GRIA4: variants seen among roughly 807,000 people sequenced by gnomAD.
The protein encoded by GRIA4 is glutamate receptor 4.
Under a neutral mutation model 104.0 loss-of-function variants are expected in GRIA4, and 34 were observed. The ratio of observed to expected loss-of-function variants is 0.33; its 90% CI spans 0.25 to 0.44. The LOEUF (loss-of-function observed/expected upper bound fraction) is 0.44. Among genes scored for constraint, GRIA4 ranks in the 20% least tolerant of loss-of-function variants. The pLI is 1.00. For missense variants in GRIA4, 750 were observed against 1,096.5 expected, an observed-to-expected ratio of 0.68 and a Z score of 4.46; for synonymous variants, 386 against 381.9, an observed-to-expected ratio of 1.01 and a Z score of -0.13.
chr11:105,783,888 T>A (rs897465981), intron 4 of GRIA4, among the ~76,000 whole-genome samples: 4 of 151,916 alleles, frequency 2.6e-5, no homozygotes, highest in African/African-American at 4.8e-5. Context: ...AGCTTCACAA[T>A]ACCCAGTGAT....
At chr11:105,926,207 T>G (rs776411847) in intron 12 of GRIA4, among the ~76,000 whole-genome samples, 1 of 119,360 alleles carries the variant, frequency 8.4e-6, no homozygotes, top group Non-Finnish European at 1.7e-5. Context: ...CTGGCAGGGC[T>G]CTGACTGAAG....
chr11:105,857,658 A>G (rs1945055569), intron 4 of GRIA4, among the ~76,000 whole-genome samples: 1 of 152,100 alleles, frequency 6.6e-6, no homozygotes, highest in Non-Finnish European at 1.5e-5. Context: ...CAATTTCTCA[A>G]TCTGAAAAAT....
At chr11:105,958,430 T>C (rs1948645633) in intron 14 of GRIA4, among the ~76,000 whole-genome samples, 1 of 152,236 alleles carries the variant, frequency 6.6e-6, no homozygotes, top group Non-Finnish European at 1.5e-5. Flanking sequence ...GATTTGCATA[T>C]GTTGAACCAG....
chr11:105,844,920 G>A (rs562088246), intron 4 of GRIA4, among the ~76,000 whole-genome samples: 4 of 152,342 alleles, frequency 2.6e-5, no homozygotes, highest in East Asian at 1.9e-4. Context: ...ATGGCACAGC[G>A]GGAATGTAGG....
At chr11:105,945,595 T>G in intron 14 of GRIA4, 1 of 227,748 alleles carries the variant, frequency 4.4e-6, no homozygotes, top group African/African-American at 2.3e-5. Flanking sequence ...TCTTTATACA[T>G]TTATATTTTT....
At chr11:105,622,247 A>G (rs1459989038) in intron 3 of GRIA4, among the ~76,000 whole-genome samples, 1 of 151,618 alleles carries the variant, frequency 6.6e-6, no homozygotes, top group Non-Finnish European at 1.5e-5. Flanking sequence ...AACTATAGAA[A>G]TATTATTCTA....
intron 15 of GRIA4, among the ~76,000 whole-genome samples, chr11:105,972,727 G>A (rs1858764673): frequency 6.6e-6 from 1 of 151,898 alleles, no homozygotes; most frequent in Admixed American, 6.6e-5. Flanking sequence ...TAAAAGTAAT[G>A]GAAATAGTTA....
chr11:105,701,898 A>G (rs1415813591), intron 3 of GRIA4, among the ~76,000 whole-genome samples: 2 of 152,168 alleles, frequency 1.3e-5, no homozygotes, highest in Non-Finnish European at 2.9e-5. Context: ...TAGATATTTG[A>G]TCATAGTAAT....
intron 4 of GRIA4, among the ~76,000 whole-genome samples, chr11:105,762,607 T>A (rs967585877): frequency 1.3e-5 from 2 of 152,200 alleles, no homozygotes; most frequent in Non-Finnish European, 2.9e-5. Flanking sequence ...TCACCTTGAA[T>A]TTTAATAAGC....
chr11:105,637,983 T>G (rs1405133151), intron 3 of GRIA4, among the ~76,000 whole-genome samples: 1 of 152,160 alleles, frequency 6.6e-6, no homozygotes, highest in Non-Finnish European at 1.5e-5. Context: ...AATTGTGTAT[T>G]TTTAATCGTG....
At position 105,924,530 on chromosome 11, in the gene GRIA4, G is replaced by A; in HGVS notation, c.1608G>A (p.Val536=). 6.2e-7 allele frequency: 1 copy of A among 1,613,336 alleles called. No individual in the cohort carries two copies. The highest frequency in any genetic ancestry group is 8.5e-7 in the Non-Finnish European group (1 of 1,179,478). ...IKKPQKSKPG[V]FSFLDPLAYE... ...AGCCTCAGAAATCCAAACCAGGAGT[G>A]TTTTCCTTCTTGGATCCTCTGGCCT... Residue 536 remains valine (V), a synonymous_variant, in exon 12 of 17, where the codon GTG becomes GTA. Coordinates refer to ENST00000282499, the MANE Select transcript of GRIA4 (RefSeq NM_000829.4).
chr11:105,912,778 G>A (rs1947293735), intron 10 of GRIA4: 3 of 980,936 alleles, frequency 3.1e-6, no homozygotes, highest in South Asian at 9.4e-5. Context: ...TGTTGAAAAC[G>A]GTAGTCCAGG....
rs187839021 is a variant in GRIA4, at chr11:105,847,150, G to A, written c.488-14874G>A. Among the ~76,000 whole-genome samples the A allele has an allele frequency of 3.0e-3, 458 of 151,922 alleles. 3 individuals are homozygous for A. The highest frequency in any genetic ancestry group is 0.01 in the African/African-American group (430 of 41,340). On this transcript the variant is annotated intron_variant, in intron 4 of 16. Transcript: ENST00000282499. The stretch of plus-strand genomic sequence containing the variant: ...GGAAGACAATTTTTCCAGGAAAATT[G>A]GGGGGATGAAACTGTTCCACCTCAG...
At chr11:105,885,768 T>C (rs1300204985) in intron 5 of GRIA4, among the ~76,000 whole-genome samples, 1 of 152,266 alleles carries the variant, frequency 6.6e-6, no homozygotes, top group African/African-American at 2.4e-5. Flanking sequence ...GCCTTGTTCT[T>C]GAGGCAGATT....
At chr11:105,668,329 C>G (rs914065244) in intron 3 of GRIA4, among the ~76,000 whole-genome samples, 45 of 147,038 alleles carry the variant, frequency 3.1e-4, no homozygotes, top group Non-Finnish European at 4.3e-4. Context: ...ATATTATTCA[C>G]TATATGAATA....
At chr11:105,973,688 T>C (rs993109125) in intron 15 of GRIA4, among the ~76,000 whole-genome samples, 2 of 152,266 alleles carry the variant, frequency 1.3e-5, no homozygotes. Context: ...GTATATAATA[T>C]GCAAAAGTAA....
chr11:105,810,202 C>T (rs890022643), intron 4 of GRIA4, among the ~76,000 whole-genome samples: 1 of 152,098 alleles, frequency 6.6e-6, no homozygotes, highest in African/African-American at 2.4e-5. Context: ...CCTTTGAACC[C>T]AAACAAATAA....
chr11:105,709,607 G>A (rs1425119862), intron 3 of GRIA4, among the ~76,000 whole-genome samples: 1 of 152,060 alleles, frequency 6.6e-6, no homozygotes, highest in African/African-American at 2.4e-5. Context: ...AAGACATACA[G>A]GCATGACATT....
At chr11:105,784,187 G>A (rs990221873) in intron 4 of GRIA4, among the ~76,000 whole-genome samples, 1 of 152,066 alleles carries the variant, frequency 6.6e-6, no homozygotes, top group African/African-American at 2.4e-5. Context: ...CACTGTGAAG[G>A]TTATAGTTGT....
Sources: gnomAD v4.1 joint callset for allele counts (sites outside exome capture counted in the v4.1 genomes callset) on GRCh38, gnomAD v4.1.1 for gene constraint, MANE v1.5 for transcripts, NCBI Gene and HGNC (gene_info 2026-07-23, HGNC 2026-07-21) for gene names.